The following SLBP variants were observed in gnomAD, a reference collection of about 807,000 sequenced individuals.
SLBP encodes the protein stem-loop histone mRNA binding protein, also known as histone RNA hairpin-binding protein.
In SLBP, 29 loss-of-function variants were observed where a neutral mutation model predicts 39.2. The ratio of observed to expected loss-of-function variants is 0.74; its 90% CI spans 0.55 to 1.01. The LOEUF is 1.01. Among genes scored for constraint, SLBP ranks in the 50% least tolerant of loss-of-function variants. The probability of loss-of-function intolerance (pLI) is 0.00; values close to 1 mark genes in which losing one functional copy is unlikely to be tolerated. For missense variants in SLBP, 390 were observed against 350.2 expected (o/e 1.11, Z -0.91); for synonymous variants, 129 against 118.7 (o/e 1.09, Z -0.57).
Position 1,700,003 on chromosome 4 carries a change from G to T in SLBP, c.341+8C>A. On this transcript the variant is annotated splice_region_variant and intron_variant, in intron 4 of 7. Coordinates refer to ENST00000489418, the MANE Select transcript of SLBP (RefSeq NM_006527.4). ...AAATTAGAAAAGAAACATTTACACA[G>T]CCTTTACCTTCCTGATGATGATTTT... 6.3e-7 allele frequency: 1 copy of T among 1,581,268 alleles called. No homozygotes were observed. The highest frequency in any genetic ancestry group is 8.6e-7 in the Non-Finnish European group (1 of 1,158,400).
At chr4:1,706,707 G>A (rs1414928446) in intron 2 of SLBP, among the ~76,000 whole-genome samples, 1 of 152,200 alleles carries the variant, frequency 6.6e-6, no homozygotes, top group Non-Finnish European at 1.5e-5. Context: ...TAGGGAGGCT[G>A]AGGCAGGAGA....
At chr4:1,697,858 G>A (rs972831225) in intron 5 of SLBP, among the ~76,000 whole-genome samples, 2 of 152,034 alleles carry the variant, frequency 1.3e-5, no homozygotes, top group African/African-American at 2.4e-5. Flanking sequence ...ATCACTATCC[G>A]CTGGGCACAG....
chr4:1,709,084 A>G lies in SLBP; in HGVS notation c.176+2790T>C, dbSNP rs1428706807. Among the ~76,000 whole-genome samples, 3 of 139,868 alleles carry G rather than the reference A, an allele frequency of 2.1e-5. No individual in the cohort carries two copies. In the Admixed American group the frequency reaches 2.1e-4, roughly 10 times the overall value. The allele number at this position is 139,868 out of a possible 152,430, so 91.8% of individuals were successfully genotyped here. Reference sequence around the variant, plus strand: ...GTCTTTTGTCTTTTTTTTTTTTTTGAGACAGTTTCACTCTTATTGCCCAGG... The same window carrying G: ...GTCTTTTGTCTTTTTTTTTTTTTTGGGACAGTTTCACTCTTATTGCCCAGG... On this transcript the variant is annotated intron_variant, in intron 2 of 7. Transcript: ENST00000489418.
At chr4:1,702,849 G>A (rs779578956) in intron 3 of SLBP, among the ~76,000 whole-genome samples, 16 of 152,182 alleles carry the variant, frequency 1.1e-4, no homozygotes, top group Non-Finnish European at 2.4e-4. Context: ...CCTAAGCCAA[G>A]TGTCAATGTA....
At chr4:1,704,018 A>G (rs1035168699) in intron 2 of SLBP, among the ~76,000 whole-genome samples, 4 of 152,318 alleles carry the variant, frequency 2.6e-5, no homozygotes, top group Middle Eastern at 3.4e-3. Context: ...TATCAGCTGC[A>G]TCTGTCTATC....
chr4:1,701,485 GTC>G (rs1189467179), intron 3 of SLBP, among the ~76,000 whole-genome samples: 1 of 152,142 alleles, frequency 6.6e-6, no homozygotes, highest in Non-Finnish European at 1.5e-5. Flanking sequence ...CTAGTTTGTA[GTC>G]TGTTAGTCTC....
chr4:1,701,935 T>C (rs150141306), intron 3 of SLBP, among the ~76,000 whole-genome samples: 423 of 152,210 alleles, frequency 2.8e-3, no homozygotes, highest in Middle Eastern at 0.01. Flanking sequence ...ATAAAAGCCG[T>C]AGCTTTCCAT....
In SLBP at chr4:1,696,285, T is replaced by C. The variant is rs766243268; in HGVS notation, c.546A>G (p.Ser182=). 2.5e-6 allele frequency: 4 copies of C among 1,604,426 alleles called. No homozygotes were observed. Among genetic ancestry groups the C allele is most frequent in the South Asian group, 1.1e-5 (1 of 89,192 alleles). ...TCCAGAGTTTGATTTGCTGGTCCCA[T>C]GAACGTCGACTATACTTCTTAAATT... ...PNKFKKYSRR[S]WDQQIKLWKV... The change falls in exon 6 of 8, where the codon TCA becomes TCG. Residue 182 remains serine (S), a synonymous_variant. Coordinates refer to ENST00000489418, the MANE Select transcript of SLBP (RefSeq NM_006527.4).
At chr4:1,702,759 T>C (rs1716372477) in intron 3 of SLBP, among the ~76,000 whole-genome samples, 1 of 152,156 alleles carries the variant, frequency 6.6e-6, no homozygotes, top group African/African-American at 2.4e-5. Context: ...CACAACAATC[T>C]TGTGTGCAAC....
chr4:1,705,424 C>T (rs923455242), intron 2 of SLBP, among the ~76,000 whole-genome samples: 2 of 152,196 alleles, frequency 1.3e-5, no homozygotes, highest in African/African-American at 4.8e-5. Context: ...ATCCAGCCCA[C>T]CCCAGGAGTG....
At chr4:1,703,248 A>AC (rs1261703624) in intron 3 of SLBP, among the ~76,000 whole-genome samples, 1 of 145,610 alleles carries the variant, frequency 6.9e-6, no homozygotes, top group Non-Finnish European at 1.5e-5. Context: ...AAAAAAAAAA[A>AC]AAAAAGAAAG....
At position 1,699,813 on chromosome 4, in the gene SLBP, C is replaced by G. The variant is rs1716257772; in HGVS notation, c.342-112G>C. The G allele has an allele frequency of 5.6e-6, 6 of 1,066,420 alleles. No homozygotes were observed. The South Asian group carries it at 7.1e-5, about 13-fold the overall frequency. The allele number at this position is 1,066,420 out of a possible 1,614,324, so 66.1% of individuals were successfully genotyped here. The stretch of plus-strand genomic sequence containing the variant: ...TAATGGAAGATTCACTCCAGATTCC[C>G]AACCATATGAATCCTAAATAGTCCG... On this transcript the variant is annotated intron_variant, in intron 4 of 7. Coordinates refer to ENST00000489418, the MANE Select transcript of SLBP (RefSeq NM_006527.4).
At chr4:1,712,059 C>CACCCCGGCCCCGCACA in intron 1 of SLBP, 69 bp from the exon 2 acceptor site, 1 of 1,235,086 alleles carries the variant, frequency 8.1e-7, no homozygotes, top group Non-Finnish European at 1.0e-6. Context: ...CGCCCTCCCA[C>CACCCCGGCCCCGCACA]ACCCCGGCCC....
intron 6 of SLBP, 131 bp from the exon 7 acceptor site, chr4:1,694,971 T>G: frequency 1.5e-6 from 1 of 685,112 alleles, no homozygotes; most frequent in Non-Finnish European, 2.7e-6. Flanking sequence ...CCCTGAGGGG[T>G]CAGCTTTCAG....
rs1296835415 is a variant in SLBP, at chr4:1,698,348, A to C, written c.479+1216T>G. On this transcript the variant is annotated intron_variant, in intron 5 of 7. Coordinates refer to ENST00000489418, the MANE Select transcript of SLBP (RefSeq NM_006527.4). The stretch of plus-strand genomic sequence containing the variant: ...GATTCCGTCTCAAAAAAATGAATAC[A>C]CAGTGAGACATGATATAACACTGCA... 2.0e-5 allele frequency among the ~76,000 whole-genome samples: 3 copies of C among 150,862 alleles called. No individual in the cohort carries two copies. In the East Asian group the frequency reaches 5.9e-4, roughly 30 times the overall value.
chr4:1,704,371 C>G (rs1163629677), intron 2 of SLBP, among the ~76,000 whole-genome samples: 1 of 152,164 alleles, frequency 6.6e-6, no homozygotes, highest in Non-Finnish European at 1.5e-5. Flanking sequence ...GATGCTGGAG[C>G]TTATGAAGTT....
rs552745358 is a variant in SLBP, at chr4:1,699,989, G to C, written c.341+22C>G. ...ATTACAGGTCTATCAAATTAGAAAA[G>C]AAACATTTACACAGCCTTTACCTTC... On this transcript the variant is annotated intron_variant, in intron 4 of 7. Coordinates refer to ENST00000489418, the MANE Select transcript of SLBP (RefSeq NM_006527.4). 2.6e-6 allele frequency: 4 copies of C among 1,520,164 alleles called. No individual in the cohort carries two copies. The South Asian group carries it at 4.9e-5, about 19-fold the overall frequency. 94.2% of individuals were successfully genotyped at this position (1,520,164 alleles called of 1,614,324 possible).
At position 1,712,145 on chromosome 4, in the gene SLBP, C is replaced by A. The variant is rs1716805162; in HGVS notation, c.44G>T (p.Cys15Phe). The A allele has an allele frequency of 1.6e-6, 2 of 1,232,738 alleles. No homozygotes were observed. The highest frequency in any genetic ancestry group is 2.0e-6 in the Non-Finnish European group (2 of 989,610). 76.4% of individuals were successfully genotyped at this position (1,232,738 alleles called of 1,614,324 possible). Reference protein sequence around the residue: ...PRSPPRHQSRCDGDASPPSPA... With the variant: ...PRSPPRHQSRFDGDASPPSPA... ...CCGGCCTCACCTGGCGTCACCGTCG[C>A]AGCGGCTCTGATGCCTCGGCGGGCT... is the stretch of plus-strand genomic sequence containing the variant. Residue 15 changes from cysteine (C) to phenylalanine (F), a missense_variant, in exon 1 of 8, where the codon TGC becomes TTC. Transcript: ENST00000489418.
chr4:1,699,946 A>AT (rs113961373), intron 4 of SLBP, 65 bp downstream of exon 4: 26,856 of 888,836 alleles, frequency 0.03, 9 homozygotes, highest in South Asian at 0.038. Context: ...GACAGTCACA[A>AT]TTTTTTTTTT....
Sources: allele counts gnomAD v4.1 joint callset (sites outside exome capture counted in the v4.1 genomes callset), GRCh38; gene constraint gnomAD v4.1.1; transcripts MANE v1.5; gene names NCBI Gene and HGNC (gene_info 2026-07-23, HGNC 2026-07-21).